PCED1B: variants seen among roughly 807,000 people sequenced by gnomAD.
PCED1B encodes the protein PC-esterase domain containing 1B.
For synonymous variants in PCED1B, 251 were observed against 246.1 expected, an observed-to-expected ratio of 1.02 and a Z score of -0.19; for missense variants, 573 against 573.9, an observed-to-expected ratio of 1.00 and a Z score of 0.02.
intron 2 of PCED1B, among the ~76,000 whole-genome samples, chr12:47,144,669 A>G (rs1418274483): frequency 6.6e-6 from 1 of 152,200 alleles, no homozygotes; most frequent in Non-Finnish European, 1.5e-5. Flanking sequence ...ACCCAAGGGA[A>G]CACAATGGTA....
chr12:47,157,379 A>G (rs1378065938), intron 2 of PCED1B, among the ~76,000 whole-genome samples: 1 of 152,104 alleles, frequency 6.6e-6, no homozygotes, highest in African/African-American at 2.4e-5. Context: ...GCTTGACACT[A>G]AGAGGTCAAG....
intron 2 of PCED1B, among the ~76,000 whole-genome samples, chr12:47,193,430 A>G (rs1942507471): frequency 6.6e-6 from 1 of 152,078 alleles, no homozygotes; most frequent in Non-Finnish European, 1.5e-5. Context: ...TTTCCACTCC[A>G]GTCATTGTTT....
intron 2 of PCED1B, among the ~76,000 whole-genome samples, chr12:47,145,451 C>T (rs1256476746): frequency 6.6e-6 from 1 of 152,202 alleles, no homozygotes; most frequent in Non-Finnish European, 1.5e-5. Context: ...GTAGACAAAA[C>T]AGCCGCTATT....
rs200992609 is a variant in PCED1B at position 47,217,470 on chromosome 12, G to GAGAAAGAAAGAAAGAAAGAA, written c.-58+810_-58+829dup. The stretch of plus-strand genomic sequence containing the variant: ...AAAGAAAGAAAGAAAAAGAAAGAAA[G>GAGAAAGAAAGAAAGAAAGAA]AGAAAGAAAGAAAGAAAGAAAGAAA... On this transcript the variant is annotated intron_variant, in intron 3 of 3. Transcript: ENST00000546455. 2.6e-3 allele frequency among the ~76,000 whole-genome samples: 240 copies of GAGAAAGAAAGAAAGAAAGAA among 90,902 alleles called. 4 individuals carry two copies. Among genetic ancestry groups the GAGAAAGAAAGAAAGAAAGAA allele is most frequent in the Non-Finnish European group, 3.1e-3 (145 of 47,012 alleles). 59.6% of individuals were successfully genotyped at this position (90,902 alleles called of 152,430 possible).
chr12:47,236,271 A>G lies in PCED1B; in HGVS notation c.1208A>G (p.Tyr403Cys). 6.2e-7 allele frequency: 1 copy of G among 1,614,160 alleles called. No homozygotes were observed. Among genetic ancestry groups the G allele is most frequent in the Non-Finnish European group, 8.5e-7 (1 of 1,180,032 alleles). The change falls in exon 4 of 4, where the codon TAT becomes TGT. Residue 403 changes from tyrosine (Y) to cysteine (C), a missense_variant. Coordinates refer to ENST00000546455, the MANE Select transcript of PCED1B (RefSeq NM_138371.3). ...APVVHRGFGR[Y>C]RPRGPYTPWG... ...GTGGTACATAGGGGTTTTGGCAGGT[A>G]TCGTCCCCGTGGCCCCTATACGCCC...
chr12:47,144,567 G>A (rs1241337468), intron 2 of PCED1B, among the ~76,000 whole-genome samples: 1 of 152,114 alleles, frequency 6.6e-6, no homozygotes, highest in Admixed American at 6.5e-5. Flanking sequence ...AAAGGGCATT[G>A]TCAGGCAATT....
chr12:47,230,062 C>CCGTGCCCGGCCTGAAACACTT (rs1943754922), intron 3 of PCED1B, among the ~76,000 whole-genome samples: 1 of 147,124 alleles, frequency 6.8e-6, no homozygotes, highest in African/African-American at 2.5e-5. Context: ...GCGTGAGCCA[C>CCGTGCCCGGCCTGAAACACTT]TGCACTCAGC....
At chr12:47,095,450 T>A (rs1938446910) in intron 1 of PCED1B, among the ~76,000 whole-genome samples, 1 of 152,194 alleles carries the variant, frequency 6.6e-6, no homozygotes, top group South Asian at 2.1e-4. Context: ...TCCTTGTTCT[T>A]ACATCAATAC....
At chr12:47,141,087 C>G (rs1056300795) in intron 2 of PCED1B, among the ~76,000 whole-genome samples, 1 of 152,122 alleles carries the variant, frequency 6.6e-6, no homozygotes, top group Non-Finnish European at 1.5e-5. Context: ...AGCAGCAGAC[C>G]ATGATTTGAG....
intron 2 of PCED1B, among the ~76,000 whole-genome samples, chr12:47,166,201 A>G (rs1941540344): frequency 6.6e-6 from 1 of 152,174 alleles, no homozygotes; most frequent in Non-Finnish European, 1.5e-5. Flanking sequence ...TAACTTTGAT[A>G]AGCACTAGTT....
intron 1 of PCED1B, among the ~76,000 whole-genome samples, chr12:47,089,461 C>CATGTATATATATATGTATATAT (rs1233280547): frequency 4.3e-4 from 27 of 63,408 alleles, no homozygotes; most frequent in Non-Finnish European, 7.0e-4. Flanking sequence ...AAAAAAAATA[C>CATGTATATATATATGTATATAT]ATATATATAT....
rs1167576912 is a variant in PCED1B, at chr12:47,236,272, T to A, written c.1209T>A (p.Tyr403Ter). The A allele has an allele frequency of 6.2e-7, 1 of 1,614,036 alleles. No individual in the cohort carries two copies. Among genetic ancestry groups the A allele is most frequent in the Non-Finnish European group, 8.5e-7 (1 of 1,180,034 alleles). ...TGGTACATAGGGGTTTTGGCAGGTA[T>A]CGTCCCCGTGGCCCCTATACGCCCT... ...APVVHRGFGR[Y>*]RPRGPYTPWG... Residue 403 changes from tyrosine (Y) to a stop codon, truncating the protein, a stop_gained, in exon 4 of 4, where the codon TAT becomes TAA. Coordinates refer to ENST00000546455, the MANE Select transcript of PCED1B (RefSeq NM_138371.3). LOFTEE classifies it low-confidence loss of function (END_TRUNC).
intron 2 of PCED1B, among the ~76,000 whole-genome samples, chr12:47,123,213 T>G (rs1592167724): frequency 6.6e-6 from 1 of 152,182 alleles, no homozygotes; most frequent in East Asian, 1.9e-4. Context: ...TTACAGCTAG[T>G]GGTCAAAAAA....
intron 2 of PCED1B, among the ~76,000 whole-genome samples, chr12:47,187,387 G>A (rs1352634305): frequency 6.6e-6 from 1 of 152,050 alleles, no homozygotes; most frequent in African/African-American, 2.4e-5. Flanking sequence ...AAATGATCTG[G>A]TACTGATGAA....
chr12:47,204,240 C>T (rs768584303), intron 2 of PCED1B, among the ~76,000 whole-genome samples: 96 of 152,110 alleles, frequency 6.3e-4, no homozygotes, highest in Admixed American at 1.3e-3. Context: ...TGAGCCACCA[C>T]GCCCAACCCC....
At chr12:47,215,501 G>A (rs374790920) in intron 2 of PCED1B, among the ~76,000 whole-genome samples, 9 of 151,890 alleles carry the variant, frequency 5.9e-5, no homozygotes, top group East Asian at 3.9e-4. Context: ...TGATCCACCC[G>A]CCTCGGCCTC....
At chr12:47,188,715 C>G (rs1942353723) in intron 2 of PCED1B, among the ~76,000 whole-genome samples, 1 of 152,186 alleles carries the variant, frequency 6.6e-6, no homozygotes, top group South Asian at 2.1e-4. Context: ...TAAGCTGTAG[C>G]CATCCAGTTC....
At chr12:47,176,737 C>G (rs866641597) in intron 2 of PCED1B, among the ~76,000 whole-genome samples, 2 of 152,082 alleles carry the variant, frequency 1.3e-5, no homozygotes, top group Non-Finnish European at 2.9e-5. Flanking sequence ...ACCTGGGGAC[C>G]TACTACTTGC....
chr12:47,215,395 AG>A (rs1388195387), intron 2 of PCED1B, among the ~76,000 whole-genome samples: 1 of 151,886 alleles, frequency 6.6e-6, no homozygotes, highest in East Asian at 1.9e-4. Context: ...CTGGGATTAC[AG>A]GGGCCCACCA....
Sources: allele counts gnomAD v4.1 joint callset (sites outside exome capture counted in the v4.1 genomes callset), GRCh38; gene constraint gnomAD v4.1.1; transcripts MANE v1.5; gene names NCBI Gene and HGNC (gene_info 2026-07-23, HGNC 2026-07-21).